LRRC74A: variants seen among roughly 807,000 people sequenced by gnomAD.
The protein encoded by LRRC74A is leucine-rich repeat-containing protein 74A.
LRRC74A carries 44 observed loss-of-function variants against 57.9 expected under a neutral mutation model. The observed-to-expected ratio is 0.76, with a 90% CI of 0.60 to 0.98. The LOEUF (loss-of-function observed/expected upper bound fraction) is 0.98. LRRC74A is among the 50% of genes least tolerant of loss of function. The pLI is 0.00. For missense variants in LRRC74A, 572 were observed against 574.0 expected (o/e 1.00, Z 0.04); for synonymous variants, 211 against 219.4 (o/e 0.96, Z 0.34).
At chr14:76,861,413 G>A (rs555250532) in intron 11 of LRRC74A, among the ~76,000 whole-genome samples, 1 of 152,274 alleles carries the variant, frequency 6.6e-6, no homozygotes, top group South Asian at 2.1e-4. Context: ...ATGGTAACTT[G>A]CCCCCGACTC....
chr14:76,853,457 G>GTGTGTGTGTT, intron 9 of LRRC74A, 47 bp downstream of exon 9: 2 of 1,272,722 alleles, frequency 1.6e-6, no homozygotes, highest in Non-Finnish European at 1.1e-6. Context: ...GTGTGTGTGT[G>GTGTGTGTGTT]TGTGTTTGTG....
At chr14:76,865,683 T>G (rs1426692948) in intron 11 of LRRC74A, among the ~76,000 whole-genome samples, 1 of 152,202 alleles carries the variant, frequency 6.6e-6, no homozygotes, top group African/African-American at 2.4e-5. Flanking sequence ...AACTTTGGAA[T>G]GGAGGGAGCG....
At chr14:76,846,701 G>T (rs1897135161) in intron 7 of LRRC74A, among the ~76,000 whole-genome samples, 1 of 152,154 alleles carries the variant, frequency 6.6e-6, no homozygotes, top group Admixed American at 6.5e-5. Context: ...TAGACTCATG[G>T]TCATTTTGCT....
intron 2 of LRRC74A, among the ~76,000 whole-genome samples, chr14:76,830,462 G>A (rs1895891256): frequency 6.6e-6 from 1 of 152,250 alleles, no homozygotes; most frequent in African/African-American, 2.4e-5. Flanking sequence ...GAATGGAAAG[G>A]TGCAGTCCCC....
At position 76,866,042 on chromosome 14, in the gene LRRC74A, G is replaced by A. The variant is rs1252719243; in HGVS notation, c.1275G>A (p.Met425Ile). The A allele has an allele frequency of 1.9e-6, 3 of 1,590,614 alleles. No homozygotes were observed. Among genetic ancestry groups the A allele is most frequent in the Non-Finnish European group, 2.6e-6 (3 of 1,162,064 alleles). Residue 425 changes from methionine to isoleucine, a missense_variant, in exon 12 of 14, where the codon ATG becomes ATA. Transcript: ENST00000689127. ...KSLNPTGTMK[M>I]SVDEFQKVMI... ...TGAACCCCACTGGGACAATGAAGAT[G>A]TCTGTGGATGAGTTCCAGAAAGTGA... is the stretch of plus-strand genomic sequence containing the variant.
At chr14:76,839,549 C>T (rs887202309) in intron 5 of LRRC74A, among the ~76,000 whole-genome samples, 1 of 152,252 alleles carries the variant, frequency 6.6e-6, no homozygotes, top group African/African-American at 2.4e-5. Context: ...AGAACTATAC[C>T]TAGTACATAA....
intron 11 of LRRC74A, among the ~76,000 whole-genome samples, chr14:76,863,877 C>T (rs1330221283): frequency 2.0e-5 from 3 of 152,210 alleles, no homozygotes; most frequent in Non-Finnish European, 4.4e-5. Context: ...TGCATGATTG[C>T]GGAATGCCCC....
chr14:76,865,651 C>T (rs967062558), intron 11 of LRRC74A, among the ~76,000 whole-genome samples: 10 of 152,240 alleles, frequency 6.6e-5, no homozygotes, highest in African/African-American at 2.2e-4. Flanking sequence ...GGTGCCTGAA[C>T]AGCCTTGACT....
chr14:76,828,380 C>T lies in LRRC74A; in HGVS notation c.127C>T (p.Pro43Ser). ...CCCGCCGACTGTTGAAAAAGTGAAA[C>T]CAGCCCGGGAGAATTCGGAAACAGA... is the stretch of plus-strand genomic sequence containing the variant. Reference protein sequence around the residue: ...ESPPTVEKVKPARENSETDLE... With the variant: ...ESPPTVEKVKSARENSETDLE... The change falls in exon 2 of 14, where the codon CCA (proline) becomes TCA (serine). Residue 43 changes from proline (P) to serine (S), a missense_variant. Pro to Ser is a moderately conservative substitution (Grantham distance 74, BLOSUM62 -1). Coordinates refer to ENST00000689127, the MANE Select transcript of LRRC74A (RefSeq NM_001385106.1). 2 of 1,613,960 alleles carry T rather than the reference C, an allele frequency of 1.2e-6. No individual in the cohort carries two copies. Among genetic ancestry groups the T allele is most frequent in the Non-Finnish European group, 1.7e-6 (2 of 1,179,860 alleles).
chr14:76,827,599 G>A (rs1198232076), intron 1 of LRRC74A, among the ~76,000 whole-genome samples: 2 of 152,286 alleles, frequency 1.3e-5, no homozygotes, highest in African/African-American at 4.8e-5. Flanking sequence ...CATCTAGCAA[G>A]TGCAGAGGAC....
chr14:76,830,267 C>T (rs541408371), intron 2 of LRRC74A, among the ~76,000 whole-genome samples: 1 of 152,352 alleles, frequency 6.6e-6, no homozygotes, highest in Admixed American at 6.5e-5. Flanking sequence ...GCCAAAGGCC[C>T]TGGGATCTGA....
At position 76,866,076 on chromosome 14, in the gene LRRC74A, G is replaced by T. The variant is rs1236829292; in HGVS notation, c.1308+1G>T. ...TGAGTTCCAGAAAGTGATGATAGAGGTGTGCTGGGTCCTAGTGGCAACAGG... is the reference window on the plus strand; with the variant it reads ...TGAGTTCCAGAAAGTGATGATAGAGTTGTGCTGGGTCCTAGTGGCAACAGG... On this transcript the variant is annotated splice_donor_variant, in intron 12 of 13. Transcript: ENST00000689127. LOFTEE classifies it high-confidence loss of function. 1 of 1,530,608 alleles carries T rather than the reference G, an allele frequency of 6.5e-7. No homozygotes were observed. The highest frequency in any genetic ancestry group is 9.0e-7 in the Non-Finnish European group (1 of 1,113,354). The allele number at this position is 1,530,608 out of a possible 1,614,324, so 94.8% of individuals were successfully genotyped here. A position where few individuals can be genotyped will look rare whatever the true frequency, so the allele number is the denominator to read the frequency against.
chr14:76,859,050 G>A (rs979499342), intron 10 of LRRC74A, among the ~76,000 whole-genome samples: 1 of 152,080 alleles, frequency 6.6e-6, no homozygotes, highest in Non-Finnish European at 1.5e-5. Flanking sequence ...GGCCCTTCTT[G>A]TGCTTCCTGG....
intron 12 of LRRC74A, among the ~76,000 whole-genome samples, chr14:76,866,722 C>T (rs1898827834): frequency 6.6e-6 from 1 of 151,820 alleles, no homozygotes; most frequent in South Asian, 2.1e-4. Context: ...CCTGTTCCCT[C>T]CCCCGGTCAC....
At chr14:76,869,771 A>G (rs900254617) in intron 13 of LRRC74A, among the ~76,000 whole-genome samples, 51 of 151,958 alleles carry the variant, frequency 3.4e-4, no homozygotes, top group African/African-American at 1.1e-3. Context: ...AAAAAAAAAA[A>G]AAAAGAAAAG....
chr14:76,868,184 C>T (rs1566749497), intron 13 of LRRC74A, among the ~76,000 whole-genome samples: 2 of 152,180 alleles, frequency 1.3e-5, no homozygotes, highest in East Asian at 1.9e-4. Flanking sequence ...CCAAGTTCAC[C>T]GGGTGCAGTA....
chr14:76,844,501 C>T (rs181955084), intron 6 of LRRC74A, 29 bp downstream of exon 6: 13 of 1,608,306 alleles, frequency 8.1e-6, no homozygotes, highest in Admixed American at 5.1e-5. Flanking sequence ...AGCCAAGCCA[C>T]GTGGGCGATG....
At position 76,867,367 on chromosome 14, in the gene LRRC74A, C is replaced by G; in HGVS notation, c.1320C>G (p.Val440=). 6.4e-7 allele frequency: 1 copy of G among 1,573,522 alleles called. No homozygotes were observed. Among genetic ancestry groups the G allele is most frequent in the Non-Finnish European group, 8.7e-7 (1 of 1,144,900 alleles). Residue 440 remains valine (V), a synonymous_variant, in exon 13 of 14, where the codon GTC becomes GTG. Coordinates refer to ENST00000689127, the MANE Select transcript of LRRC74A (RefSeq NM_001385106.1). The part of the protein sequence containing the change: ...FQKVMIEQNK[V]PLNQYQVREV... ...ATCCACCTCCTCAGCAAAACAAGGT[C>G]CCCCTGAACCAGTACCAGGTCAGGG...
At chr14:76,833,641 C>A (rs151302977) in intron 3 of LRRC74A, among the ~76,000 whole-genome samples, 110 of 152,068 alleles carry the variant, frequency 7.2e-4, no homozygotes, top group African/African-American at 2.6e-3. Flanking sequence ...TGGGGTTTCA[C>A]TATGTTGGCC....
Sources: gnomAD v4.1 joint callset for allele counts (sites outside exome capture counted in the v4.1 genomes callset) on GRCh38, gnomAD v4.1.1 for gene constraint, MANE v1.5 for transcripts, NCBI Gene and HGNC (gene_info 2026-07-23, HGNC 2026-07-21) for gene names.